Variants in NSMAF observed in about 807,000 individuals in gnomAD.
NSMAF encodes the protein neutral sphingomyelinase activation associated factor, also known as protein FAN.
Under a neutral mutation model 134.9 loss-of-function variants are expected in NSMAF, and 90 were observed. The ratio of observed to expected loss-of-function variants is 0.67; its 90% confidence interval spans 0.56 to 0.79. The LOEUF is 0.79. Ranked by LOEUF, NSMAF falls within the 30% of genes least tolerant of loss-of-function variation. The probability of loss-of-function intolerance (pLI) is 0.00; values close to 1 mark genes in which losing one functional copy is unlikely to be tolerated. For missense variants in NSMAF, 1,010 were observed against 1,119.0 expected (o/e 0.90, Z 1.39); for synonymous variants, 358 against 389.6 (o/e 0.92, Z 0.96).
chr8:58,586,507 G>A lies in NSMAF; in HGVS notation c.2397C>T (p.His799=). The A allele has an allele frequency of 1.9e-6, 3 of 1,612,858 alleles. No homozygotes were observed. The highest frequency in any genetic ancestry group is 1.7e-5 in the Admixed American group (1 of 59,972). ...IWDLTTATLM[H]QIPCHSGIVC... ...CAATCCCTGAATGGCATGGAATCTG[G>A]TGCATTAAGGTGGCCGTTGTGAGGT... Residue 799 remains histidine (H), a synonymous_variant, in exon 28 of 31, where the codon CAC becomes CAT. Transcript: ENST00000038176.
intron 12 of NSMAF, among the ~76,000 whole-genome samples, chr8:58,605,222 A>G (rs1339644874): frequency 2.0e-5 from 3 of 152,368 alleles, no homozygotes; most frequent in South Asian, 2.1e-4. Context: ...CTGAGGAAAT[A>G]TCATTAATTA....
intron 1 of NSMAF, among the ~76,000 whole-genome samples, chr8:58,653,707 G>A (rs1318452272): frequency 6.6e-6 from 1 of 152,076 alleles, no homozygotes; most frequent in Non-Finnish European, 1.5e-5. Flanking sequence ...GACATTTTAA[G>A]ACACAATTCT....
At position 58,597,917 on chromosome 8, in the gene NSMAF, C is replaced by T. The variant is rs368960022; in HGVS notation, c.1586-15G>A. 311 of 1,589,318 alleles carry T rather than the reference C, an allele frequency of 2.0e-4. No homozygotes were observed. The African/African-American group carries it at 3.7e-3, about 19-fold the overall frequency. ...GGGATGAAATACTGAAAAAGACATA[C>T]AAAACACTATTGAAAGATGTGCTAT... On this transcript the variant is annotated splice_polypyrimidine_tract_variant and intron_variant, in intron 19 of 30. Coordinates refer to ENST00000038176, the MANE Select transcript of NSMAF (RefSeq NM_003580.4).
At chr8:58,585,513 AGG>A in intron 30 of NSMAF, 137 bp downstream of exon 30, 1 of 625,032 alleles carries the variant, frequency 1.6e-6, no homozygotes, top group Non-Finnish European at 2.8e-6. Flanking sequence ...GCCAATCAAG[AGG>A]CTCCAGGGAC....
intron 1 of NSMAF, among the ~76,000 whole-genome samples, chr8:58,657,083 G>C (rs1471550769): frequency 6.6e-6 from 1 of 152,066 alleles, no homozygotes; most frequent in Non-Finnish European, 1.5e-5. Context: ...ACCACACCAA[G>C]ACCTGTCAAT....
intron 19 of NSMAF, 57 bp downstream of exon 19, chr8:58,599,175 T>A (rs1479180951): frequency 9.3e-6 from 14 of 1,509,028 alleles, no homozygotes; most frequent in Non-Finnish European, 1.3e-5. Flanking sequence ...CCAATGAAAA[T>A]GAATAATGCT....
intron 21 of NSMAF, 190 bp from the exon 22 acceptor site, chr8:58,595,849 T>A (rs1157011588): frequency 1.9e-6 from 1 of 513,166 alleles, no homozygotes; most frequent in African/African-American, 1.9e-5. Context: ...TAGAGAAAGA[T>A]AAAAAGTATC....
Position 58,635,236 on chromosome 8 carries a change from GAT to G in NSMAF, c.297-13_297-12del. ...CCCCCAGATTTTGCCCTAAAATACA[GAT>G]AAAAGTCATTAAATATATACAGCTT... is the stretch of plus-strand genomic sequence containing the variant. On this transcript the variant is annotated splice_polypyrimidine_tract_variant and intron_variant, in intron 4 of 30. Transcript: ENST00000038176. The G allele has an allele frequency of 6.2e-7, 1 of 1,611,108 alleles. No homozygotes were observed. The highest frequency in any genetic ancestry group is 8.5e-7 in the Non-Finnish European group (1 of 1,177,782).
rs112601288 is a variant in NSMAF, at chr8:58,648,574, C to T, written c.60-5501G>A. Reference sequence around the variant, plus strand: ...AGGATGTCCCTCCCATCACAGAGGGCCTAGGAGAGGAAAGAAGGGCTTAGG... The same window carrying T: ...AGGATGTCCCTCCCATCACAGAGGGTCTAGGAGAGGAAAGAAGGGCTTAGG... On this transcript the variant is annotated intron_variant, in intron 1 of 30. Coordinates refer to ENST00000038176, the MANE Select transcript of NSMAF (RefSeq NM_003580.4). Among the ~76,000 whole-genome samples, 413 of 152,308 alleles carry T rather than the reference C, an allele frequency of 2.7e-3. 2 individuals are homozygous for T. The highest frequency in any genetic ancestry group is 9.5e-3 in the African/African-American group (394 of 41,568).
chr8:58,657,896 C>T (rs1807756251), intron 1 of NSMAF, among the ~76,000 whole-genome samples: 1 of 152,154 alleles, frequency 6.6e-6, no homozygotes, highest in Non-Finnish European at 1.5e-5. Context: ...GTTGTCTAAT[C>T]AATGAATTCT....
At chr8:58,643,119 G>A (rs1807372474) in intron 1 of NSMAF, 46 bp from the exon 2 acceptor site, 2 of 1,343,374 alleles carry the variant, frequency 1.5e-6, no homozygotes, top group African/African-American at 2.9e-5. Flanking sequence ...TTTTTAGTAA[G>A]TATAAGAAGG....
rs763735654 is a variant in NSMAF, at chr8:58,595,548, A to C, written c.1892+12T>G. 1.3e-6 allele frequency: 2 copies of C among 1,572,940 alleles called. No individual in the cohort carries two copies. ...ACTATCAGCTGCTGAGAAGAAGCAG[A>C]GATATTCTTACTCTTTGTGGATTTT... is the stretch of plus-strand genomic sequence containing the variant. On this transcript the variant is annotated intron_variant, in intron 22 of 30. Coordinates refer to ENST00000038176, the MANE Select transcript of NSMAF (RefSeq NM_003580.4).
chr8:58,657,501 A>G (rs532006518), intron 1 of NSMAF, among the ~76,000 whole-genome samples: 32 of 152,258 alleles, frequency 2.1e-4, no homozygotes, highest in Non-Finnish European at 2.9e-4. Flanking sequence ...ATAAACCCGG[A>G]AAAATCTGGG....
chr8:58,599,186 A>G, intron 19 of NSMAF, 46 bp downstream of exon 19: 1 of 1,548,652 alleles, frequency 6.5e-7, no homozygotes, highest in Non-Finnish European at 8.8e-7. Context: ...GAATAATGCT[A>G]AATATTCACC....
chr8:58,624,698 C>T (rs889592521), intron 6 of NSMAF, among the ~76,000 whole-genome samples: 1 of 152,118 alleles, frequency 6.6e-6, no homozygotes, highest in Non-Finnish European at 1.5e-5. Context: ...ATTCCATGTG[C>T]TTGAGAGGAA....
At chr8:58,592,273 C>T (rs1229626944) in intron 23 of NSMAF, among the ~76,000 whole-genome samples, 1 of 152,042 alleles carries the variant, frequency 6.6e-6, no homozygotes, top group Non-Finnish European at 1.5e-5. Context: ...TTGGTGCTCT[C>T]ACTGCAGCAG....
intron 10 of NSMAF, 45 bp downstream of exon 10, chr8:58,609,559 G>A (rs1193641767): frequency 6.2e-7 from 1 of 1,609,758 alleles, no homozygotes; most frequent in South Asian, 1.1e-5. Flanking sequence ...TCTGGAAACA[G>A]CTTAAACATG....
intron 2 of NSMAF, among the ~76,000 whole-genome samples, chr8:58,642,160 C>T (rs973076033): frequency 1.3e-5 from 2 of 152,104 alleles, no homozygotes; most frequent in Non-Finnish European, 2.9e-5. Context: ...TAAACAAATA[C>T]CACATGTTTT....
At chr8:58,630,544 C>CT (rs957594525) in intron 6 of NSMAF, among the ~76,000 whole-genome samples, 2 of 152,066 alleles carry the variant, frequency 1.3e-5, no homozygotes, top group African/African-American at 4.8e-5. Flanking sequence ...CCCCCAAAGG[C>CT]TTTTGTCAAT....
Sources: gnomAD v4.1 joint callset for allele counts (sites outside exome capture counted in the v4.1 genomes callset) on GRCh38, gnomAD v4.1.1 for gene constraint, MANE v1.5 for transcripts, NCBI Gene and HGNC (gene_info 2026-07-23, HGNC 2026-07-21) for gene names.